DCPH1: variants seen among roughly 807,000 people sequenced by gnomAD.
DCPH1 encodes the protein damage control phosphatase 1.
the DCPH1 span, among the ~76,000 whole-genome samples, chr6:151,454,021 A>C: frequency 6.6e-6 from 1 of 152,224 alleles, no homozygotes; most frequent in East Asian, 1.9e-4. Context: ...GAGAAGGGGA[A>C]AATTTTTGAA....
chr6:151,454,898 C>G, the DCPH1 span, among the ~76,000 whole-genome samples: 1 of 152,116 alleles, frequency 6.6e-6, no homozygotes, highest in Non-Finnish European at 1.5e-5. Context: ...CTAATATATG[C>G]AATGTTGTAA....
chr6:151,466,561 G>A, the DCPH1 span, among the ~76,000 whole-genome samples: 11 of 152,204 alleles, frequency 7.2e-5, no homozygotes, highest in South Asian at 1.5e-3. Context: ...AAACATTCTC[G>A]TTTTCAGAGA....
At chr6:151,457,165 A>G in the DCPH1 span, among the ~76,000 whole-genome samples, 1 of 152,092 alleles carries the variant, frequency 6.6e-6, no homozygotes, top group Non-Finnish European at 1.5e-5. Context: ...ACAGTTTTCT[A>G]TCTTCCCCCA....
At chr6:151,463,266 G>T in the DCPH1 span, among the ~76,000 whole-genome samples, 1 of 151,952 alleles carries the variant, frequency 6.6e-6, no homozygotes, top group African/African-American at 2.4e-5. Flanking sequence ...AACCATCTTT[G>T]AATTATTTGG....
chr6:151,456,117 G>A, the DCPH1 span, among the ~76,000 whole-genome samples: 4 of 152,158 alleles, frequency 2.6e-5, no homozygotes, highest in Non-Finnish European at 5.9e-5. Flanking sequence ...GAACAAAATG[G>A]AGTCTCCTAT....
At chr6:151,458,218 G>A in the DCPH1 span, 14 of 1,343,096 alleles carry the variant, frequency 1.0e-5, no homozygotes, top group East Asian at 1.2e-4. Context: ...GAAATAAAAT[G>A]TAGTTTTGAA....
the DCPH1 span, among the ~76,000 whole-genome samples, chr6:151,463,768 C>G: frequency 2.0e-5 from 3 of 152,152 alleles, no homozygotes. Context: ...CTTTTATATT[C>G]AATTCAGTAA....
the DCPH1 span, among the ~76,000 whole-genome samples, chr6:151,466,972 C>T: frequency 5.0e-4 from 76 of 152,152 alleles, no homozygotes; most frequent in Admixed American, 1.6e-3. Context: ...ACTGTTCGGC[C>T]GGGCATGGTG....
chr6:151,452,872 G>T, the DCPH1 span: 2 of 347,474 alleles, frequency 5.8e-6, no homozygotes, highest in South Asian at 1.4e-4. Flanking sequence ...CACTTTAATA[G>T]ACGCGCTTTG....
At chr6:151,466,817 GCT>G in the DCPH1 span, among the ~76,000 whole-genome samples, 1 of 152,126 alleles carries the variant, frequency 6.6e-6, no homozygotes, top group African/African-American at 2.4e-5. Context: ...CACAGAACCT[GCT>G]CTCAGTCGCT....
At chr6:151,454,430 A>C in the DCPH1 span, 1 of 636,226 alleles carries the variant, frequency 1.6e-6, no homozygotes, top group Non-Finnish European at 2.8e-6. Context: ...ATACTTGTCT[A>C]TCTTTTAATA....
chr6:151,464,509 G>C, the DCPH1 span: 1 of 1,610,608 alleles, frequency 6.2e-7, no homozygotes. Flanking sequence ...AATTTCTATG[G>C]GTCACAGGAA....
chr6:151,457,902 T>C, the DCPH1 span, among the ~76,000 whole-genome samples: 1 of 152,172 alleles, frequency 6.6e-6, no homozygotes, highest in Non-Finnish European at 1.5e-5. Context: ...TTTGTCAGCA[T>C]ATGTCATCTC....
chr6:151,455,779 CG>C, the DCPH1 span, among the ~76,000 whole-genome samples: 1 of 151,778 alleles, frequency 6.6e-6, no homozygotes, highest in African/African-American at 2.4e-5. Flanking sequence ...GGCTGGGGGA[CG>C]GTCAGGTCTT....
the DCPH1 span, among the ~76,000 whole-genome samples, chr6:151,465,899 T>C: frequency 6.6e-6 from 1 of 152,172 alleles, no homozygotes; most frequent in Non-Finnish European, 1.5e-5. Context: ...ATATTTTGAG[T>C]TCAAAACAAA....
At chr6:151,453,237 GA>G in the DCPH1 span, among the ~76,000 whole-genome samples, 2 of 152,332 alleles carry the variant, frequency 1.3e-5, no homozygotes, top group African/African-American at 4.8e-5. Context: ...CAAGTATAGA[GA>G]GTATCTCCTT....
chr6:151,468,477 A>G, the DCPH1 span: 3 of 1,613,606 alleles, frequency 1.9e-6, no homozygotes. Context: ...ATCTTTGGTC[A>G]TTGCTTAGCA....
the DCPH1 span, among the ~76,000 whole-genome samples, chr6:151,453,024 G>T: frequency 6.6e-6 from 1 of 152,242 alleles, no homozygotes; most frequent in East Asian, 1.9e-4. Flanking sequence ...CTGATTCTTG[G>T]GTAAAGTTGT....
the DCPH1 span, chr6:151,469,659 ATTCTTGAATTTTAT>A: frequency 2.0e-5 from 3 of 152,626 alleles, no homozygotes; most frequent in African/African-American, 7.2e-5. Context: ...TCTAACTTTT[ATTCTTGAATTTTAT>A]TTCATTTCAA....
Sources: gnomAD v4.1 joint callset for allele counts (sites outside exome capture counted in the v4.1 genomes callset) on GRCh38, gnomAD v4.1.1 for gene constraint, MANE v1.5 for transcripts, NCBI Gene and HGNC (gene_info 2026-07-23, HGNC 2026-07-21) for gene names.